The following LTBP4 variants were observed in gnomAD, a reference collection of about 807,000 sequenced individuals.
LTBP4 encodes the protein latent-transforming growth factor beta-binding protein 4.
In LTBP4, 93 loss-of-function variants were observed where a neutral mutation model predicts 180.2. That is an observed-to-expected ratio of 0.52 (90% confidence interval 0.44 to 0.61). LTBP4 has a LOEUF of 0.61. Ranked by LOEUF, LTBP4 falls within the 20% of genes least tolerant of loss-of-function variation. The pLI, the probability that LTBP4 is intolerant of heterozygous loss-of-function variation, is 0.00. For missense variants in LTBP4, 2,116 were observed against 2,256.5 expected (o/e 0.94, Z 1.26); for synonymous variants, 947 against 934.5 (o/e 1.01, Z -0.24).
intron 18 of LTBP4, 35 bp downstream of exon 18, chr19:40,614,073 C>A (rs768167327): frequency 3.1e-6 from 5 of 1,606,836 alleles, no homozygotes; most frequent in African/African-American, 1.3e-5. Flanking sequence ...TCCCTCCTCC[C>A]TTCGACTCCC....
chr19:40,618,981 G>A (rs991724301), intron 21 of LTBP4, among the ~76,000 whole-genome samples: 3 of 152,038 alleles, frequency 2.0e-5, no homozygotes, highest in Non-Finnish European at 4.4e-5. Context: ...TGGGCCACCC[G>A]AGAGCTAAAA....
chr19:40,618,308 G>A (rs2081564330), intron 21 of LTBP4, among the ~76,000 whole-genome samples: 1 of 150,000 alleles, frequency 6.7e-6, no homozygotes, highest in East Asian at 1.9e-4. Flanking sequence ...TGTCCAGGCT[G>A]GAGTGCAATG....
upstream of LTBP4, chr19:40,597,232 A>T: frequency 2.0e-6 from 3 of 1,488,658 alleles, no homozygotes; most frequent in Non-Finnish European, 2.7e-6. Flanking sequence ...GGCGCCCGAC[A>T]CGATGCCGAG....
chr19:40,601,583 G>T lies in LTBP4; in HGVS notation c.196G>T (p.Val66Leu). Reference protein sequence around the residue: ...PTCAPRNATSVDSGAPGGAAP... With the variant: ...PTCAPRNATSLDSGAPGGAAP... ...CTGCGCGCCCCGCAACGCCACCAGC[G>T]TGGACAGCGGCGCTCCCGGCGGGGC... is the stretch of plus-strand genomic sequence containing the variant. The change falls in exon 1 of 30, where the codon GTG becomes TTG. Residue 66 changes from valine to leucine, a missense_variant. Transcript: ENST00000396819. 2.1e-6 allele frequency: 3 copies of T among 1,439,600 alleles called. No homozygotes were observed. The highest frequency in any genetic ancestry group is 2.7e-6 in the Non-Finnish European group (3 of 1,104,714). 89.2% of individuals were successfully genotyped at this position (1,439,600 alleles called of 1,614,324 possible).
At position 40,616,889 on chromosome 19, in the gene LTBP4, A is replaced by G. The variant is rs2081552663; in HGVS notation, c.2813A>G (p.Asp938Gly). 1 of 1,613,768 alleles carries G rather than the reference A, an allele frequency of 6.2e-7. No homozygotes were observed. ...YHAGPEGTCDDVDECQEYGPE... is the reference protein window; with the variant it reads ...YHAGPEGTCDGVDECQEYGPE... ...CTTTCATCTCCTCCACACTCTGCAG[A>G]TGTGGATGAGTGCCAAGAATATGGT... Residue 938 changes from aspartate (D) to glycine (G), a missense_variant and splice_region_variant, in exon 20 of 30, where the codon GAT becomes GGT. Physicochemically the swap from Asp to Gly is moderately conservative, Grantham distance 94. This residue lies in a region of LTBP4 where 877 missense variants were observed against 873.6 expected (regional missense o/e 1.00). Coordinates refer to ENST00000396819, the MANE Select transcript of LTBP4 (RefSeq NM_001042545.2).
chr19:40,613,504 C>T lies in LTBP4; in HGVS notation c.2532C>T (p.Pro844=), dbSNP rs1316559863. The part of the protein sequence containing the change: ...FACTCAPGYR[P]GPRGASCLDV... The stretch of plus-strand genomic sequence containing the variant: ...GTACTTGTGCCCCTGGCTACCGACC[C>T]GGACCCCGCGGAGCCTCTTGCCTCG... The change falls in exon 17 of 30, where the codon CCC becomes CCT. Residue 844 remains proline, a synonymous_variant. Transcript: ENST00000396819. This position sits in a 1 kb window ranked among gnomAD's most constrained non-coding sequence, Gnocchi z 5.0. The T allele has an allele frequency of 1.9e-6, 3 of 1,574,670 alleles. No homozygotes were observed. The highest frequency in any genetic ancestry group is 1.8e-5 in the Admixed American group (1 of 54,470).
Position 40,606,457 on chromosome 19 carries a change from A to G in LTBP4, c.922A>G (p.Thr308Ala). Residue 308 changes from threonine to alanine, a missense_variant, in exon 6 of 30, where the codon ACG becomes GCG. Around this residue, in one of 5 missense-constraint regions of LTBP4, gnomAD observed 469 missense variants for 532.5 expected, o/e 0.88. Coordinates refer to ENST00000396819, the MANE Select transcript of LTBP4 (RefSeq NM_001042545.2). Reference protein sequence around the residue: ...GRCQHGECANTRGGYTCVCPD... With the variant: ...GRCQHGECANARGGYTCVCPD... ...CTGCCAGCACGGCGAGTGTGCAAACACGCGCGGCGGGTACACGTGTGTGTG... is the reference window on the plus strand; with the variant it reads ...CTGCCAGCACGGCGAGTGTGCAAACGCGCGCGGCGGGTACACGTGTGTGTG... 6.3e-7 allele frequency: 1 copy of G among 1,587,080 alleles called. No individual in the cohort carries two copies. Among genetic ancestry groups the G allele is most frequent in the Non-Finnish European group, 8.6e-7 (1 of 1,167,414 alleles).
At position 40,606,425 on chromosome 19, in the gene LTBP4, G is replaced by C. The variant is rs950190729; in HGVS notation, c.890G>C (p.Gly297Ala). 2 of 1,595,802 alleles carry C rather than the reference G, an allele frequency of 1.3e-6. No individual in the cohort carries two copies. The highest frequency in any genetic ancestry group is 1.7e-6 in the Non-Finnish European group (2 of 1,170,742). The part of the protein sequence containing the change: ...SCEDVDECAT[G>A]GRCQHGECAN... The stretch of plus-strand genomic sequence containing the variant: ...GCAGATGTGGATGAGTGCGCGACTG[G>C]CGGGCGCTGCCAGCACGGCGAGTGT... Residue 297 changes from glycine (G) to alanine (A), a missense_variant, in exon 6 of 30, where the codon GGC becomes GCC. By Grantham distance (60) the Gly-to-Ala change is moderately conservative. Transcript: ENST00000396819.
chr19:40,606,209 C>CCCA, intron 4 of LTBP4, 24 bp from the exon 5 acceptor site: 1 of 1,566,120 alleles, frequency 6.4e-7, no homozygotes, highest in Non-Finnish European at 8.7e-7. Flanking sequence ...CTGTCCCTGG[C>CCCA]CCACCCCTCT....
Position 40,605,876 on chromosome 19 carries a change from T to C in LTBP4, c.793+45T>C. On this transcript the variant is annotated intron_variant, in intron 4 of 29. Coordinates refer to ENST00000396819, the MANE Select transcript of LTBP4 (RefSeq NM_001042545.2). This position sits in a 1 kb window ranked among gnomAD's most constrained non-coding sequence, Gnocchi z 5.5. ...CGAAGTGCTCGGAGCTGGGGAGTGG[T>C]GACAACCTCACCGTTCCTCCTACTC... is the stretch of plus-strand genomic sequence containing the variant. 1 of 1,517,458 alleles carries C rather than the reference T, an allele frequency of 6.6e-7. No homozygotes were observed. The allele number at this position is 1,517,458 out of a possible 1,614,324, so 94.0% of individuals were successfully genotyped here.
chr19:40,617,099 G>T lies in LTBP4; in HGVS notation c.2945-1G>T, dbSNP rs774418288. ...ATGGCCTGACTGTCTGGTGGTTGCAGATGTGGACGAATGCCGGAACCGGTC... is the reference window on the plus strand; with the variant it reads ...ATGGCCTGACTGTCTGGTGGTTGCATATGTGGACGAATGCCGGAACCGGTC... On this transcript the variant is annotated splice_acceptor_variant, in intron 20 of 29. Transcript: ENST00000396819. LOFTEE classifies it high-confidence loss of function. 3 of 1,614,058 alleles carry T rather than the reference G, an allele frequency of 1.9e-6. No individual in the cohort carries two copies. Among genetic ancestry groups the T allele is most frequent in the Non-Finnish European group, 2.5e-6 (3 of 1,179,906 alleles).
chr19:40,629,031 G>C lies in LTBP4; in HGVS notation c.4520-365G>C, dbSNP rs1599881824. Among the ~76,000 whole-genome samples, 1 of 151,844 alleles carries C rather than the reference G, an allele frequency of 6.6e-6. No individual in the cohort carries two copies. The highest frequency in any genetic ancestry group is 2.4e-5 in the African/African-American group (1 of 41,326). On this transcript the variant is annotated intron_variant, in intron 29 of 29. Transcript: ENST00000396819. The surrounding 1 kb of genome is among the most constrained non-coding windows in gnomAD (Gnocchi z 4.5). ...TGCCTGGCTAATTTTTGTATTCTTAGTAGAGACGGGGTCTCACCATGTTGG... is the reference window on the plus strand; with the variant it reads ...TGCCTGGCTAATTTTTGTATTCTTACTAGAGACGGGGTCTCACCATGTTGG...
In LTBP4 at chr19:40,623,605, C is replaced by T. The variant is rs779919309; in HGVS notation, c.3558C>T (p.Asp1186=). ...APSGDLSLRR[D]VDECQLFRDQ... Reference sequence around the variant, plus strand: ...TCTCTCTCTCTGCTTTTCGCACAGACGTGGACGAATGTCAGCTCTTCCGAG... The same window carrying T: ...TCTCTCTCTCTGCTTTTCGCACAGATGTGGACGAATGTCAGCTCTTCCGAG... The change falls in exon 25 of 30, where the codon GAC becomes GAT. Residue 1186 remains aspartate, a splice_region_variant and synonymous_variant. Transcript: ENST00000396819. 6 of 1,612,944 alleles carry T rather than the reference C, an allele frequency of 3.7e-6. No individual in the cohort carries two copies. The highest frequency in any genetic ancestry group is 5.1e-6 in the Non-Finnish European group (6 of 1,179,634).
chr19:40,614,220 C>T (rs924581311), intron 18 of LTBP4, 95 bp from the exon 19 acceptor site: 5 of 1,508,512 alleles, frequency 3.3e-6, no homozygotes, highest in South Asian at 2.4e-5. Flanking sequence ...CCTCTGCTTC[C>T]CCGGCCTCCC....
At chr19:40,601,238 C>A (rs1167617488), upstream of LTBP4, 3 of 504,466 alleles carry the variant, frequency 5.9e-6, no homozygotes, top group East Asian at 3.0e-4. Flanking sequence ...CAGCCCCACG[C>A]GCCCCCGCGC....
chr19:40,597,135 G>A, upstream of LTBP4: 1 of 1,115,178 alleles, frequency 9.0e-7, no homozygotes, highest in Non-Finnish European at 1.1e-6. Context: ...AAGTGAGTCG[G>A]CCTCGGGCGG....
chr19:40,624,142 C>A, intron 26 of LTBP4, 60 bp downstream of exon 26: 1 of 1,455,990 alleles, frequency 6.9e-7, no homozygotes, highest in Non-Finnish European at 9.1e-7. Context: ...CACCCGCACC[C>A]GGGCCACACC....
chr19:40,600,214 G>A (rs569862907), upstream of LTBP4: 29 of 1,171,032 alleles, frequency 2.5e-5, no homozygotes, highest in Admixed American at 2.1e-4. This position sits in a 1 kb window ranked among gnomAD's most constrained non-coding sequence, Gnocchi z 4.4. Flanking sequence ...TGGGGCGAGG[G>A]GGGTTCCGGG....
chr19:40,610,024 G>A (rs2081493577), intron 11 of LTBP4, 153 bp downstream of exon 11: 18 of 1,043,674 alleles, frequency 1.7e-5, no homozygotes, highest in Non-Finnish European at 2.1e-5. Flanking sequence ...TCCCTGACCC[G>A]CCTCCACCCA....
Sources: gnomAD v4.1 joint callset for allele counts (sites outside exome capture counted in the v4.1 genomes callset) on GRCh38, gnomAD v4.1.1 for gene constraint, gnomAD v4.1.1 regional missense constraint, Gnocchi (gnomAD v3.1) non-coding constraint, MANE v1.5 for transcripts, NCBI Gene and HGNC (gene_info 2026-07-23, HGNC 2026-07-21) for gene names.